SLC25A21: variants seen among roughly 807,000 people sequenced by gnomAD.
SLC25A21 encodes mitochondrial 2-oxodicarboxylate carrier.
Under a neutral mutation model 43.8 loss-of-function variants are expected in SLC25A21, and 47 were observed. That is an observed-to-expected ratio of 1.07 (90% confidence interval 0.85 to 1.37). SLC25A21 has a LOEUF of 1.37. SLC25A21 is among the 40% of genes most tolerant of loss of function. The probability of loss-of-function intolerance (pLI) is 0.00; values close to 1 mark genes in which losing one functional copy is unlikely to be tolerated. For missense variants in SLC25A21, 352 were observed against 350.2 expected (o/e 1.00, Z -0.04); for synonymous variants, 131 against 121.3 (o/e 1.08, Z -0.52).
chr14:36,713,209 T>C (rs1883968529), intron 6 of SLC25A21, among the ~76,000 whole-genome samples: 1 of 152,166 alleles, frequency 6.6e-6, no homozygotes, highest in Non-Finnish European at 1.5e-5. Context: ...GGCTCTAAAA[T>C]AAAGTGCAAA....
At chr14:36,917,773 C>CA (rs1891870193) in intron 1 of SLC25A21, among the ~76,000 whole-genome samples, 1 of 151,846 alleles carries the variant, frequency 6.6e-6, no homozygotes, top group Non-Finnish European at 1.5e-5. Flanking sequence ...GCAAATCATA[C>CA]AAAAAACCAG....
chr14:36,993,039 G>C (rs1960297415), intron 1 of SLC25A21, among the ~76,000 whole-genome samples: 1 of 152,128 alleles, frequency 6.6e-6, no homozygotes, highest in South Asian at 2.1e-4. Flanking sequence ...CCAAAAATTT[G>C]CCTATGCTGG....
At chr14:37,056,502 A>T (rs994756347) in intron 1 of SLC25A21, among the ~76,000 whole-genome samples, 2 of 151,894 alleles carry the variant, frequency 1.3e-5, no homozygotes, top group African/African-American at 4.8e-5. Context: ...AAAAAAAAAA[A>T]AAATTACCTA....
intron 1 of SLC25A21, among the ~76,000 whole-genome samples, chr14:36,918,929 GA>G (rs1429824513): frequency 2.0e-5 from 3 of 151,882 alleles, no homozygotes; most frequent in Admixed American, 2.0e-4. Flanking sequence ...CCTCCTCTGT[GA>G]AAAAAGGTTT....
At chr14:37,066,765 G>A (rs983374473) in intron 1 of SLC25A21, among the ~76,000 whole-genome samples, 16 of 152,210 alleles carry the variant, frequency 1.1e-4, no homozygotes, top group African/African-American at 3.6e-4. Flanking sequence ...TGGAGAGAGA[G>A]AGAAGGACAG....
intron 7 of SLC25A21, among the ~76,000 whole-genome samples, chr14:36,706,681 T>A (rs1883582904): frequency 6.6e-6 from 1 of 152,196 alleles, no homozygotes; most frequent in Admixed American, 6.5e-5. Flanking sequence ...CTAGGCATCC[T>A]TCTGAACCCC....
intron 1 of SLC25A21, among the ~76,000 whole-genome samples, chr14:37,003,789 T>C (rs1960540341): frequency 6.6e-6 from 1 of 152,324 alleles, no homozygotes; most frequent in Middle Eastern, 3.4e-3. Flanking sequence ...GTGCCAGTTA[T>C]GTCTGTTTCT....
intron 2 of SLC25A21, among the ~76,000 whole-genome samples, chr14:36,825,277 C>T (rs992702279): frequency 6.6e-6 from 1 of 151,266 alleles, no homozygotes; most frequent in African/African-American, 2.4e-5. Flanking sequence ...TCCTCTTTCT[C>T]TTTCTCTTAA....
intron 1 of SLC25A21, among the ~76,000 whole-genome samples, chr14:37,055,331 A>T (rs1353122620): frequency 2.6e-5 from 4 of 152,218 alleles, no homozygotes; most frequent in Non-Finnish European, 5.9e-5. Flanking sequence ...ACTATATTTC[A>T]CACTTGGCAG....
At chr14:37,073,111 C>T (rs892080317) in intron 1 of SLC25A21, among the ~76,000 whole-genome samples, 4 of 152,196 alleles carry the variant, frequency 2.6e-5, no homozygotes, top group South Asian at 2.1e-4. Flanking sequence ...TTGACCTTCA[C>T]GCTGTTTCTC....
At chr14:36,782,435 G>A (rs1043941151) in intron 3 of SLC25A21, among the ~76,000 whole-genome samples, 1 of 152,100 alleles carries the variant, frequency 6.6e-6, no homozygotes, top group Non-Finnish European at 1.5e-5. Context: ...TGGGGTCAGT[G>A]ACTGGAAAAT....
At chr14:37,082,269 T>C (rs1185318425) in intron 1 of SLC25A21, among the ~76,000 whole-genome samples, 3 of 152,118 alleles carry the variant, frequency 2.0e-5, no homozygotes, top group Non-Finnish European at 4.4e-5. Context: ...AAACTACCCA[T>C]AAGGTACTGT....
chr14:36,798,790 C>G (rs1422303055), intron 3 of SLC25A21, among the ~76,000 whole-genome samples: 1 of 151,894 alleles, frequency 6.6e-6, no homozygotes, highest in Non-Finnish European at 1.5e-5. Context: ...TGTCTCACAC[C>G]AGAGAGATTA....
At chr14:36,874,660 T>G (rs1414457177) in intron 2 of SLC25A21, among the ~76,000 whole-genome samples, 1 of 152,232 alleles carries the variant, frequency 6.6e-6, no homozygotes, top group Non-Finnish European at 1.5e-5. Context: ...GGATAAAGTT[T>G]AGTTTTTACA....
At chr14:36,866,861 T>C (rs545990690) in intron 2 of SLC25A21, among the ~76,000 whole-genome samples, 1 of 152,290 alleles carries the variant, frequency 6.6e-6, no homozygotes, top group South Asian at 2.1e-4. Flanking sequence ...ATATTCATAG[T>C]TTTTATGTTG....
At chr14:36,861,843 A>C (rs1461384290) in intron 2 of SLC25A21, among the ~76,000 whole-genome samples, 1 of 152,188 alleles carries the variant, frequency 6.6e-6, no homozygotes, top group African/African-American at 2.4e-5. Context: ...TCTCTCCAAA[A>C]ACTTGCCCTT....
rs576265353 is a variant in SLC25A21 at position 36,745,617 on chromosome 14, T to C, written c.204-11044A>G. ...CAGTGATGATGAGCATTTTTTCATA[T>C]GTCTGTTGGCTGCATAAATGTCTTC... On this transcript the variant is annotated intron_variant, in intron 3 of 9. Coordinates refer to ENST00000331299, the MANE Select transcript of SLC25A21 (RefSeq NM_030631.4). Among the ~76,000 whole-genome samples the C allele has an allele frequency of 6.5e-4, 99 of 152,334 alleles. 1 individual carries two copies. The highest frequency in any genetic ancestry group is 2.2e-3 in the African/African-American group (93 of 41,592).
chr14:36,972,074 T>C (rs1959763970), intron 1 of SLC25A21, among the ~76,000 whole-genome samples: 1 of 152,174 alleles, frequency 6.6e-6, no homozygotes, highest in South Asian at 2.1e-4. Flanking sequence ...TTATAACATA[T>C]TTTTATTGTA....
At chr14:37,034,311 G>A (rs1046235580) in intron 1 of SLC25A21, among the ~76,000 whole-genome samples, 3 of 152,062 alleles carry the variant, frequency 2.0e-5, no homozygotes, top group African/African-American at 7.2e-5. Context: ...GAGCCACCGT[G>A]CTTGGCCTAT....
Sources: gnomAD v4.1 joint callset for allele counts (sites outside exome capture counted in the v4.1 genomes callset) on GRCh38, gnomAD v4.1.1 for gene constraint, MANE v1.5 for transcripts, NCBI Gene and HGNC (gene_info 2026-07-23, HGNC 2026-07-21) for gene names.